FER1L6: variants seen among roughly 807,000 people sequenced by gnomAD.
The protein encoded by FER1L6 is fer-1 like family member 6.
In FER1L6, 177 loss-of-function variants were observed where a neutral mutation model predicts 219.2. The observed-to-expected ratio is 0.81, with a 90% CI of 0.71 to 0.91. The LOEUF (loss-of-function observed/expected upper bound fraction) is 0.91. FER1L6 is among the 40% of genes least tolerant of loss of function. FER1L6 has a pLI of 0.00. For synonymous variants in FER1L6, 768 were observed against 824.3 expected (o/e 0.93, Z 1.17); for missense variants, 2,153 against 2,259.9 (o/e 0.95, Z 0.96).
chr8:124,000,031 A>G (rs759763389), intron 12 of FER1L6, among the ~76,000 whole-genome samples: 25 of 152,196 alleles, frequency 1.6e-4, no homozygotes, highest in Non-Finnish European at 3.4e-4. Context: ...CTCAGCCTGC[A>G]GTGGCAAAGC....
intron 33 of FER1L6, 73 bp from the exon 34 acceptor site, chr8:124,091,350 A>G (rs1822019182): frequency 8.1e-7 from 1 of 1,241,630 alleles, no homozygotes; most frequent in Non-Finnish European, 1.1e-6. Flanking sequence ...TAAATCTGAA[A>G]GAAACTGCAC....
Position 124,060,562 on chromosome 8 carries a change from A to G in FER1L6, c.3000A>G (p.Gly1000=). The G allele has an allele frequency of 6.2e-7, 1 of 1,613,694 alleles. No individual in the cohort carries two copies. The highest frequency in any genetic ancestry group is 1.1e-5 in the South Asian group (1 of 91,032). ...CTTTTCCTCAGGTTCTCTTCTGGGG[A>G]GTTCGGGAAATGAAGAAGGTGCAGC... ...SKYRVEVLFW[G]VREMKKVQLL... Residue 1000 remains glycine (G), a synonymous_variant, in exon 24 of 41, where the codon GGA becomes GGG. Coordinates refer to ENST00000522917, the MANE Select transcript of FER1L6 (RefSeq NM_001039112.2).
intron 33 of FER1L6, among the ~76,000 whole-genome samples, chr8:124,089,681 T>A (rs1368435381): frequency 6.6e-6 from 1 of 152,226 alleles, no homozygotes; most frequent in Non-Finnish European, 1.5e-5. Context: ...TATGACACAC[T>A]CATTGAAATT....
intron 1 of FER1L6, among the ~76,000 whole-genome samples, chr8:123,916,253 A>T (rs1293237116): frequency 6.6e-6 from 1 of 152,174 alleles, no homozygotes; most frequent in Non-Finnish European, 1.5e-5. Flanking sequence ...GCCCTCCTGG[A>T]CTGTAAACAA....
chr8:124,113,775 C>T (rs1823114977), intron 39 of FER1L6, among the ~76,000 whole-genome samples: 1 of 152,092 alleles, frequency 6.6e-6, no homozygotes. Context: ...CTGTATTTCC[C>T]GTGAAGTGTA....
chr8:123,874,495 G>T (rs1364724137), intron 1 of FER1L6, among the ~76,000 whole-genome samples: 1 of 152,188 alleles, frequency 6.6e-6, no homozygotes, highest in East Asian at 1.9e-4. Context: ...AACGGTAGCT[G>T]GCTTCCTATT....
chr8:123,964,795 C>A (rs142524246), intron 3 of FER1L6, among the ~76,000 whole-genome samples: 8 of 152,294 alleles, frequency 5.3e-5, no homozygotes, highest in African/African-American at 1.9e-4. Context: ...GCAGTGAAAT[C>A]TTTGTTGTGT....
At chr8:123,878,410 G>A (rs986995729) in intron 1 of FER1L6, among the ~76,000 whole-genome samples, 4 of 152,154 alleles carry the variant, frequency 2.6e-5, no homozygotes, top group African/African-American at 4.8e-5. Context: ...ATTAACACCC[G>A]AATTTCATCA....
intron 11 of FER1L6, among the ~76,000 whole-genome samples, chr8:123,983,806 T>C (rs1352541543): frequency 6.6e-6 from 1 of 152,240 alleles, no homozygotes; most frequent in Admixed American, 6.5e-5. Context: ...GCCTCATACA[T>C]AGTGCTCAAT....
In FER1L6 at chr8:124,039,874, G is replaced by T. The variant is rs763221901; in HGVS notation, c.2465-8G>T. ...TAACACCTGCCCCCTTCCATGATTT[G>T]TCCACAGAACAGCATGTTTTTCAGC... On this transcript the variant is annotated splice_region_variant and splice_polypyrimidine_tract_variant and intron_variant, in intron 19 of 40. Coordinates refer to ENST00000522917, the MANE Select transcript of FER1L6 (RefSeq NM_001039112.2). The T allele has an allele frequency of 2.5e-6, 4 of 1,614,052 alleles. No individual in the cohort carries two copies. Among genetic ancestry groups the T allele is most frequent in the Admixed American group, 1.7e-5 (1 of 60,010 alleles).
intron 33 of FER1L6, among the ~76,000 whole-genome samples, chr8:124,085,784 C>A (rs1821761084): frequency 6.6e-6 from 1 of 152,014 alleles, no homozygotes; most frequent in Non-Finnish European, 1.5e-5. Flanking sequence ...GGTTGGTGTC[C>A]TGTCTGGATG....
chr8:124,071,447 T>A, intron 30 of FER1L6, 59 bp from the exon 31 acceptor site: 2 of 1,601,446 alleles, frequency 1.2e-6, no homozygotes, highest in Admixed American at 1.7e-5. Context: ...GTGCTCTCTG[T>A]GGGTTTTGGT....
Position 124,049,641 on chromosome 8 carries a change from C to A in FER1L6, c.2759C>A (p.Ala920Asp). ...GAATATTTGGGTGCCACAGTGGCTG[C>A]TCCTGTTGTGAAGCTGGCTGACCAG... Reference protein sequence around the residue: ...KPEYLGATVAAPVVKLADQDY... With the variant: ...KPEYLGATVADPVVKLADQDY... Residue 920 changes from alanine (A) to aspartate (D), a missense_variant, in exon 22 of 41, where the codon GCT becomes GAT. Transcript: ENST00000522917. The A allele has an allele frequency of 6.2e-7, 1 of 1,613,234 alleles. No individual in the cohort carries two copies. The highest frequency in any genetic ancestry group is 8.5e-7 in the Non-Finnish European group (1 of 1,179,878).
chr8:124,028,711 G>GC (rs554099252), intron 18 of FER1L6, among the ~76,000 whole-genome samples: 2 of 152,170 alleles, frequency 1.3e-5, no homozygotes, highest in Non-Finnish European at 2.9e-5. Context: ...GTGTCACAGT[G>GC]CCCATTAACC....
intron 1 of FER1L6, among the ~76,000 whole-genome samples, chr8:123,875,201 A>T (rs892317794): frequency 6.6e-6 from 1 of 152,178 alleles, no homozygotes; most frequent in Non-Finnish European, 1.5e-5. Flanking sequence ...TCTAAAAAAA[A>T]ACAATCAAAA....
intron 1 of FER1L6, among the ~76,000 whole-genome samples, chr8:123,869,269 G>C (rs1816886832): frequency 6.6e-6 from 1 of 151,998 alleles, no homozygotes; most frequent in South Asian, 2.1e-4. Context: ...TTGTTTTCTT[G>C]GACACACCCA....
At chr8:124,115,548 T>C (rs1207317597) in intron 39 of FER1L6, among the ~76,000 whole-genome samples, 1 of 152,188 alleles carries the variant, frequency 6.6e-6, no homozygotes, top group East Asian at 1.9e-4. Context: ...TTGATTTTCC[T>C]ATAGGAATCT....
intron 14 of FER1L6, 74 bp downstream of exon 14, chr8:124,010,788 A>C: frequency 1.3e-6 from 2 of 1,569,514 alleles, no homozygotes; most frequent in Non-Finnish European, 1.7e-6. Context: ...AAATCCACCT[A>C]GTAGAGGATG....
intron 7 of FER1L6, among the ~76,000 whole-genome samples, chr8:123,974,408 G>T (rs550220182): frequency 1.3e-5 from 2 of 152,130 alleles, no homozygotes; most frequent in African/African-American, 4.8e-5. Flanking sequence ...GGTCGAGGTG[G>T]GTGGATCACT....
Sources: gnomAD v4.1 joint callset for allele counts (sites outside exome capture counted in the v4.1 genomes callset) on GRCh38, gnomAD v4.1.1 for gene constraint, MANE v1.5 for transcripts, NCBI Gene and HGNC (gene_info 2026-07-23, HGNC 2026-07-21) for gene names.